FGD6: variants seen among roughly 807,000 people sequenced by gnomAD.
FGD6 encodes FYVE, RhoGEF and PH domain containing 6.
A neutral mutation model predicts 149.4 loss-of-function variants in FGD6; 90 were observed. The observed-to-expected ratio is 0.60, with a 90% confidence interval of 0.51 to 0.72. The LOEUF is 0.72. Among genes scored for constraint, FGD6 ranks in the 30% least tolerant of loss-of-function variants. FGD6 has a pLI of 0.00. For missense variants in FGD6, 1,437 were observed against 1,684.8 expected, an observed-to-expected ratio of 0.85 and a Z score of 2.57; for synonymous variants, 527 against 584.0, an observed-to-expected ratio of 0.90 and a Z score of 1.41.
intron 8 of FGD6, among the ~76,000 whole-genome samples, chr12:95,133,977 T>G (rs1340441147): frequency 6.6e-6 from 1 of 152,198 alleles, no homozygotes; most frequent in Non-Finnish European, 1.5e-5. Context: ...TTCCTTCTTT[T>G]TTCCTTACTA....
At chr12:95,083,308 C>G (rs989355102) in intron 20 of FGD6, among the ~76,000 whole-genome samples, 1 of 150,940 alleles carries the variant, frequency 6.6e-6, no homozygotes, top group Non-Finnish European at 1.5e-5. Context: ...TATAATTTAG[C>G]CTGGGTCAAT....
intron 8 of FGD6, among the ~76,000 whole-genome samples, chr12:95,114,587 C>A (rs1014331234): frequency 3.3e-5 from 5 of 151,452 alleles, no homozygotes; most frequent in African/African-American, 9.7e-5. Flanking sequence ...AGTTGAGAAA[C>A]CTTGGTTTGG....
At chr12:95,165,074 GGAAA>G (rs1167569291) in intron 3 of FGD6, among the ~76,000 whole-genome samples, 1 of 152,024 alleles carries the variant, frequency 6.6e-6, no homozygotes, top group African/African-American at 2.4e-5. Flanking sequence ...AGCCCTGAAA[GGAAA>G]GACCAAAAAC....
chr12:95,152,417 C>G (rs948733021), intron 5 of FGD6, among the ~76,000 whole-genome samples: 4 of 152,100 alleles, frequency 2.6e-5, no homozygotes, highest in Non-Finnish European at 5.9e-5. Flanking sequence ...CTAATCTCTC[C>G]TAAATGGAGG....
intron 2 of FGD6, among the ~76,000 whole-genome samples, chr12:95,193,994 C>T (rs1378746107): frequency 1.3e-5 from 2 of 151,958 alleles, no homozygotes; most frequent in East Asian, 1.9e-4. Context: ...AATGCAGTGG[C>T]GTGATTACAG....
chr12:95,200,230 G>A (rs1592874548), intron 2 of FGD6, among the ~76,000 whole-genome samples: 4 of 152,202 alleles, frequency 2.6e-5, no homozygotes, highest in East Asian at 1.9e-4. Flanking sequence ...TGAAGTTTTC[G>A]ACTGAATCCA....
chr12:95,149,228 A>ATATATAATAT (rs1555220284), intron 5 of FGD6, among the ~76,000 whole-genome samples: 2 of 20,778 alleles, frequency 9.6e-5, no homozygotes, highest in Non-Finnish European at 1.4e-4. Flanking sequence ...AATATATAGC[A>ATATATAATAT]TATATATTAT....
intron 8 of FGD6, among the ~76,000 whole-genome samples, chr12:95,116,175 C>T (rs774555491): frequency 5.9e-5 from 9 of 152,194 alleles, no homozygotes; most frequent in Non-Finnish European, 1.2e-4. Flanking sequence ...ACTCAGAATG[C>T]ATTCAATATA....
At chr12:95,119,413 TGATTTG>T (rs1879119415) in intron 8 of FGD6, among the ~76,000 whole-genome samples, 1 of 152,202 alleles carries the variant, frequency 6.6e-6, no homozygotes, top group Non-Finnish European at 1.5e-5. Flanking sequence ...TATAAATGCT[TGATTTG>T]ACTTAAAAAC....
chr12:95,114,878 C>G (rs1315595158), intron 8 of FGD6, among the ~76,000 whole-genome samples: 1 of 152,120 alleles, frequency 6.6e-6, no homozygotes, highest in African/African-American at 2.4e-5. Context: ...TTTGTTCTGA[C>G]TAAATTTGAT....
chr12:95,216,936 G>A (rs993423679), intron 1 of FGD6, among the ~76,000 whole-genome samples: 2 of 152,232 alleles, frequency 1.3e-5, no homozygotes, highest in Admixed American at 6.5e-5. Flanking sequence ...CTGCTGGAGA[G>A]ATGAGCGAAC....
chr12:95,121,994 A>G (rs1297972972), intron 8 of FGD6, among the ~76,000 whole-genome samples: 1 of 152,166 alleles, frequency 6.6e-6, no homozygotes, highest in African/African-American at 2.4e-5. Flanking sequence ...TCCTTATTAC[A>G]TAAGGAATAA....
chr12:95,114,078 C>T (rs1383885329), intron 8 of FGD6, among the ~76,000 whole-genome samples: 2 of 152,174 alleles, frequency 1.3e-5, no homozygotes, highest in East Asian at 1.9e-4. Context: ...ATCAGACACA[C>T]GTCTAGTATA....
chr12:95,107,727 AT>A, intron 11 of FGD6, 96 bp from the exon 12 acceptor site: 1 of 1,290,558 alleles, frequency 7.7e-7, no homozygotes, highest in Non-Finnish European at 1.1e-6. Context: ...AATTTTTTTC[AT>A]GACAGACTGG....
At chr12:95,083,005 AAAAAAAAAT>A (rs1319104566) in intron 20 of FGD6, among the ~76,000 whole-genome samples, 1 of 68,268 alleles carries the variant, frequency 1.5e-5, no homozygotes, top group African/African-American at 5.6e-5. Flanking sequence ...AAAAAAAAAA[AAAAAAAAAT>A]ATATATATAT....
intron 13 of FGD6, 41 bp from the exon 14 acceptor site, chr12:95,105,127 G>T: frequency 6.4e-7 from 1 of 1,552,436 alleles, no homozygotes; most frequent in Non-Finnish European, 8.8e-7. Context: ...TCATCCTACT[G>T]AAAACCATAT....
chr12:95,084,622 G>C lies in FGD6; in HGVS notation c.4132C>G (p.Pro1378Ala). 1 of 1,597,938 alleles carries C rather than the reference G, an allele frequency of 6.3e-7. No individual in the cohort carries two copies. The highest frequency in any genetic ancestry group is 8.5e-7 in the Non-Finnish European group (1 of 1,175,356). ...TGAATAACAGTGAATCCTAATAAAG[G>C]CTGACTCTCCAAAGCGGCCACGTCC... ...SEDVAALESQ[P>A]LLGFTVIQVK... The change falls in exon 20 of 21, where the codon CCT (proline) becomes GCT (alanine). Residue 1378 changes from proline (P) to alanine (A), a missense_variant. This residue lies in a region of FGD6 where 382 missense variants were observed against 538.7 expected (regional missense o/e 0.71). Transcript: ENST00000343958.
chr12:95,099,170 C>T (rs1878336236), intron 14 of FGD6, among the ~76,000 whole-genome samples: 1 of 152,230 alleles, frequency 6.6e-6, no homozygotes, highest in African/African-American at 2.4e-5. Context: ...AGCCACTGCA[C>T]CTGACTTGAC....
intron 5 of FGD6, among the ~76,000 whole-genome samples, chr12:95,149,710 T>A (rs927986297): frequency 9.6e-5 from 14 of 145,344 alleles, no homozygotes; most frequent in Non-Finnish European, 2.1e-4. Flanking sequence ...GTGTCAAGCT[T>A]ATTGTCATTT....
Sources: allele counts gnomAD v4.1 joint callset (sites outside exome capture counted in the v4.1 genomes callset), GRCh38; gene constraint gnomAD v4.1.1; regional missense constraint gnomAD v4.1.1; transcripts MANE v1.5; gene names NCBI Gene and HGNC (gene_info 2026-07-23, HGNC 2026-07-21).